TTBK2: variants seen among roughly 807,000 people sequenced by gnomAD.
TTBK2 encodes the protein tau tubulin kinase 2.
In TTBK2, 28 loss-of-function variants were observed where a neutral mutation model predicts 110.8. The ratio of observed to expected loss-of-function variants is 0.25; its 90% CI spans 0.19 to 0.35. The LOEUF (loss-of-function observed/expected upper bound fraction) is 0.35. TTBK2 is among the 10% of genes least tolerant of loss of function. The pLI is 1.00. For synonymous variants in TTBK2, 532 were observed against 527.3 expected (o/e 1.01, Z -0.12); for missense variants, 1,369 against 1,500.3 (o/e 0.91, Z 1.45).
At chr15:42,766,579 C>A (rs1456186659) in intron 13 of TTBK2, among the ~76,000 whole-genome samples, 1 of 151,564 alleles carries the variant, frequency 6.6e-6, no homozygotes, top group African/African-American at 2.4e-5. Context: ...ATAAGAAGAG[C>A]TAACTATCCT....
chr15:42,818,490 C>T (rs537557399), intron 6 of TTBK2, among the ~76,000 whole-genome samples: 3 of 152,030 alleles, frequency 2.0e-5, no homozygotes, highest in Non-Finnish European at 2.9e-5. Context: ...GAGGCTGAGG[C>T]GGGCAGATCA....
intron 6 of TTBK2, among the ~76,000 whole-genome samples, chr15:42,822,484 A>G (rs1892346706): frequency 6.6e-6 from 1 of 152,222 alleles, no homozygotes; most frequent in Admixed American, 6.5e-5. Flanking sequence ...ATTACAACAG[A>G]AAAAATGAGA....
chr15:42,851,223 C>T (rs1223173228), intron 3 of TTBK2, among the ~76,000 whole-genome samples: 3 of 147,280 alleles, frequency 2.0e-5, no homozygotes, highest in South Asian at 2.2e-4. Flanking sequence ...ACTCCAGCCT[C>T]GGCGACAGAG....
chr15:42,837,715 A>C (rs1438986657), intron 4 of TTBK2, among the ~76,000 whole-genome samples: 1 of 150,944 alleles, frequency 6.6e-6, no homozygotes, highest in Non-Finnish European at 1.5e-5. Flanking sequence ...AAATAAAACT[A>C]GGCTGGCTCA....
intron 1 of TTBK2, among the ~76,000 whole-genome samples, chr15:42,903,869 C>G (rs1182721477): frequency 1.3e-5 from 2 of 152,222 alleles, no homozygotes; most frequent in South Asian, 2.1e-4. Context: ...GCTCTTTCCA[C>G]TTACTTGCTC....
intron 11 of TTBK2, among the ~76,000 whole-genome samples, chr15:42,782,235 CTAA>C (rs1262801724): frequency 6.6e-6 from 1 of 152,128 alleles, no homozygotes; most frequent in Non-Finnish European, 1.5e-5. Context: ...CCAAACCCTG[CTAA>C]TTTTTGTATT....
chr15:42,824,326 T>C (rs890865031), intron 6 of TTBK2, among the ~76,000 whole-genome samples: 6 of 152,184 alleles, frequency 3.9e-5, no homozygotes, highest in Non-Finnish European at 5.9e-5. Flanking sequence ...AAAACGTGCA[T>C]GTTGAACCTG....
In TTBK2 at chr15:42,919,025, A is replaced by C. The variant is rs558052310; in HGVS notation, c.-68+1413T>G. On this transcript the variant is annotated intron_variant, in intron 1 of 14. Transcript: ENST00000267890. The stretch of plus-strand genomic sequence containing the variant: ...TGGAAGAGGGAAGAAAGCATTTCCT[A>C]ACATTCTATCATAAAAGAAAAATGT... Among the ~76,000 whole-genome samples, 4 of 152,306 alleles carry C rather than the reference A, an allele frequency of 2.6e-5. No homozygotes were observed. The South Asian group carries it at 8.3e-4, about 32-fold the overall frequency.
At chr15:42,896,971 C>A (rs1343104609) in intron 1 of TTBK2, among the ~76,000 whole-genome samples, 1 of 151,804 alleles carries the variant, frequency 6.6e-6, no homozygotes, top group Non-Finnish European at 1.5e-5. Context: ...CTCCACCTCC[C>A]GAGTTCAAGC....
chr15:42,908,790 T>C (rs1448686716), intron 1 of TTBK2, among the ~76,000 whole-genome samples: 2 of 152,130 alleles, frequency 1.3e-5, no homozygotes, highest in Non-Finnish European at 1.5e-5. Context: ...AAATACTTTT[T>C]CCCCATGTAC....
chr15:42,777,142 G>C lies in TTBK2; in HGVS notation c.1298C>G (p.Pro433Arg), dbSNP rs1259757386. 6.2e-7 allele frequency: 1 copy of C among 1,614,184 alleles called. No individual in the cohort carries two copies. The highest frequency in any genetic ancestry group is 1.3e-5 in the African/African-American group (1 of 75,056). Reference sequence around the variant, plus strand: ...TCGCACCAGTGGAATATCTCTGTCTGGCTGAGTAATCTCTGAGCGGACACG... The same window carrying C: ...TCGCACCAGTGGAATATCTCTGTCTCGCTGAGTAATCTCTGAGCGGACACG... ...PIRVRSEITQ[P>R]DRDIPLVRKL... The change falls in exon 12 of 15, where the codon CCA becomes CGA. Residue 433 changes from proline (P) to arginine (R), a missense_variant. Coordinates refer to ENST00000267890, the MANE Select transcript of TTBK2 (RefSeq NM_173500.4).
chr15:42,875,724 T>C (rs1284383012), intron 2 of TTBK2, among the ~76,000 whole-genome samples: 5 of 151,858 alleles, frequency 3.3e-5, no homozygotes, highest in Non-Finnish European at 5.9e-5. Context: ...CTGGCCAACA[T>C]GGCAAAACCC....
chr15:42,775,592 T>C lies in TTBK2; in HGVS notation c.1541A>G (p.Asp514Gly). 2 of 1,614,148 alleles carry C rather than the reference T, an allele frequency of 1.2e-6. No homozygotes were observed. The highest frequency in any genetic ancestry group is 1.7e-6 in the Non-Finnish European group (2 of 1,180,018). The change falls in exon 13 of 15, where the codon GAT becomes GGT. Residue 514 changes from aspartate to glycine, a missense_variant. This residue lies in a region of TTBK2 where 1,097 missense variants were observed against 1,114.7 expected (regional missense o/e 0.98). Coordinates refer to ENST00000267890, the MANE Select transcript of TTBK2 (RefSeq NM_173500.4). ...IWHYDEEYLP[D>G]ASKPASANTP... ...GTTGGCAGAAGCAGGCTTGGAGGCA[T>C]CTGGAAGATATTCTTCATCATAGTG... is the stretch of plus-strand genomic sequence containing the variant.
At chr15:42,879,026 C>CA (rs1282196389) in intron 1 of TTBK2, among the ~76,000 whole-genome samples, 1 of 152,178 alleles carries the variant, frequency 6.6e-6, no homozygotes, top group Non-Finnish European at 1.5e-5. Context: ...GCTGAAAAGA[C>CA]ATAGTACCTA....
At chr15:42,821,655 C>T (rs1257835000) in intron 6 of TTBK2, among the ~76,000 whole-genome samples, 1 of 151,422 alleles carries the variant, frequency 6.6e-6, no homozygotes, top group East Asian at 1.9e-4. Context: ...AACTGGTAGG[C>T]AGTGGTATCT....
chr15:42,795,117 GA>G (rs1350208607), intron 9 of TTBK2, among the ~76,000 whole-genome samples: 1 of 152,130 alleles, frequency 6.6e-6, no homozygotes, highest in Non-Finnish European at 1.5e-5. Flanking sequence ...GCATTCAATT[GA>G]ACCATCTATT....
intron 3 of TTBK2, among the ~76,000 whole-genome samples, chr15:42,865,229 G>A (rs953752982): frequency 6.6e-6 from 1 of 152,062 alleles, no homozygotes; most frequent in Non-Finnish European, 1.5e-5. Context: ...ATTGATGGAG[G>A]TCAGGAGTTA....
At chr15:42,856,700 C>CT (rs1349091703) in intron 3 of TTBK2, among the ~76,000 whole-genome samples, 1 of 151,966 alleles carries the variant, frequency 6.6e-6, no homozygotes, top group Non-Finnish European at 1.5e-5. Flanking sequence ...CTTGTCTCTA[C>CT]TTAAAAAAAA....
At chr15:42,811,818 T>C in intron 7 of TTBK2, 38 bp from the exon 8 acceptor site, 1 of 1,578,760 alleles carries the variant, frequency 6.3e-7, no homozygotes, top group South Asian at 1.1e-5. Flanking sequence ...CATAACATTA[T>C]TACTTGTGAG....
Sources: allele counts gnomAD v4.1 joint callset (sites outside exome capture counted in the v4.1 genomes callset), GRCh38; gene constraint gnomAD v4.1.1; regional missense constraint gnomAD v4.1.1; transcripts MANE v1.5; gene names NCBI Gene and HGNC (gene_info 2026-07-23, HGNC 2026-07-21).